PIWIL4: variants seen among roughly 807,000 people sequenced by gnomAD.
The protein encoded by PIWIL4 is piwi-like protein 4.
A neutral mutation model predicts 100.9 loss-of-function variants in PIWIL4; 50 were observed. The observed-to-expected ratio is 0.50, with a 90% CI of 0.39 to 0.63. PIWIL4 has a LOEUF of 0.63. PIWIL4 is among the 20% of genes least tolerant of loss of function. The probability of loss-of-function intolerance (pLI) is 0.00; values close to 1 mark genes in which losing one functional copy is unlikely to be tolerated. For missense variants in PIWIL4, 887 were observed against 1,043.3 expected (o/e 0.85, Z 2.06); for synonymous variants, 342 against 367.5 (o/e 0.93, Z 0.79).
At chr11:94,619,921 A>G in intron 18 of PIWIL4, 36 bp downstream of exon 18, 3 of 1,614,106 alleles carry the variant, frequency 1.9e-6, no homozygotes, top group Non-Finnish European at 2.5e-6. Context: ...TTAACAAAAC[A>G]TTCATTGCGT....
At chr11:94,587,840 A>G (rs191832435) in intron 7 of PIWIL4, among the ~76,000 whole-genome samples, 27 of 152,358 alleles carry the variant, frequency 1.8e-4, no homozygotes, top group African/African-American at 6.5e-4. Flanking sequence ...AGGTTTATGT[A>G]TATAAAATTT....
At chr11:94,577,617 G>A in intron 4 of PIWIL4, 125 bp downstream of exon 4, 5 of 828,710 alleles carry the variant, frequency 6.0e-6, no homozygotes, top group Admixed American at 3.3e-5. Context: ...AGAATTAAAA[G>A]GTAAGAATTT....
At chr11:94,567,647 C>T (rs1428951710) in intron 1 of PIWIL4, 42 bp downstream of exon 1, 5 of 1,536,436 alleles carry the variant, frequency 3.3e-6, no homozygotes, top group Non-Finnish European at 4.4e-6. Context: ...TTTTCTCCTA[C>T]CTCTGTCTCT....
At chr11:94,619,681 A>AT (rs1948885268) in intron 17 of PIWIL4, 79 bp from the exon 18 acceptor site, 1 of 1,409,506 alleles carries the variant, frequency 7.1e-7, no homozygotes. Context: ...TATTTATTTC[A>AT]TTTTTTAAAT....
intron 2 of PIWIL4, among the ~76,000 whole-genome samples, chr11:94,570,084 T>G (rs1430373894): frequency 6.6e-6 from 1 of 152,164 alleles, no homozygotes; most frequent in African/African-American, 2.4e-5. Context: ...CTTCCCCTCC[T>G]GTGGTAAACA....
intron 8 of PIWIL4, among the ~76,000 whole-genome samples, chr11:94,590,205 A>G (rs1292800119): frequency 6.6e-6 from 1 of 152,208 alleles, no homozygotes; most frequent in Non-Finnish European, 1.5e-5. Flanking sequence ...AAACCTCAGC[A>G]GTCTGGTATC....
intron 3 of PIWIL4, among the ~76,000 whole-genome samples, chr11:94,576,013 C>G (rs1159191760): frequency 6.6e-6 from 1 of 152,144 alleles, no homozygotes; most frequent in Non-Finnish European, 1.5e-5. Flanking sequence ...AGATATATAC[C>G]CCAGGTTGAA....
chr11:94,606,304 T>C (rs770178803), intron 13 of PIWIL4, among the ~76,000 whole-genome samples: 9 of 152,212 alleles, frequency 5.9e-5, no homozygotes, highest in Non-Finnish European at 1.2e-4. Flanking sequence ...TAAGAGCCTT[T>C]TGCTGATAAT....
chr11:94,577,562 T>C (rs1398783248), intron 4 of PIWIL4, 70 bp downstream of exon 4: 4 of 1,168,848 alleles, frequency 3.4e-6, no homozygotes, highest in Admixed American at 2.5e-5. Context: ...CACACACACA[T>C]ATATATGCAT....
intron 8 of PIWIL4, among the ~76,000 whole-genome samples, chr11:94,592,536 C>T (rs11824670): frequency 0.07 from 10,605 of 152,234 alleles, 738 homozygotes; most frequent in African/African-American, 0.17. Flanking sequence ...GCATCAGTTG[C>T]ACCTGCTACT....
At chr11:94,583,040 A>ATG (rs200968891) in intron 4 of PIWIL4, among the ~76,000 whole-genome samples, 1,248 of 118,160 alleles carry the variant, frequency 0.011, 11 homozygotes, top group African/African-American at 0.034. Context: ...GTGTATATAT[A>ATG]TATATGTGTG....
rs956193112 is a variant in PIWIL4 at position 94,616,342 on chromosome 11, C to T, written c.1944-151C>T. 4 of 623,092 alleles carry T rather than the reference C, an allele frequency of 6.4e-6. No homozygotes were observed. The Admixed American group carries it at 1.0e-4, about 16-fold the overall frequency. The allele number at this position is 623,092 out of a possible 1,614,324, so 38.6% of individuals were successfully genotyped here. ...AATAAATTCTTTTTGGGTAAAGGGT[C>T]TCTTTGATATAATTGTGAACACATA... On this transcript the variant is annotated intron_variant, in intron 15 of 19. Transcript: ENST00000299001.
chr11:94,567,485 C>T lies in PIWIL4; in HGVS notation c.-34C>T, dbSNP rs374228173. The T allele has an allele frequency of 3.3e-6, 5 of 1,506,832 alleles. No homozygotes were observed. The highest frequency in any genetic ancestry group is 4.5e-6 in the Non-Finnish European group (5 of 1,120,186). 93.3% of individuals were successfully genotyped at this position (1,506,832 alleles called of 1,614,324 possible). On this transcript the variant is annotated 5_prime_UTR_variant, in exon 1 of 20. Coordinates refer to ENST00000299001, the MANE Select transcript of PIWIL4 (RefSeq NM_152431.3). Reference sequence around the variant, plus strand: ...AAAACATATCCTAACTGAGACTTTGCAGCTCTTGTGGCCACTCTGGGCTCA... The same window carrying T: ...AAAACATATCCTAACTGAGACTTTGTAGCTCTTGTGGCCACTCTGGGCTCA...
chr11:94,589,699 A>G (rs780175021), intron 8 of PIWIL4, among the ~76,000 whole-genome samples: 8 of 151,586 alleles, frequency 5.3e-5, no homozygotes, highest in Non-Finnish European at 1.0e-4. Context: ...TTTCCTGGAT[A>G]CCCCTTCACA....
intron 4 of PIWIL4, among the ~76,000 whole-genome samples, chr11:94,581,726 A>G (rs1948322369): frequency 6.6e-6 from 1 of 152,220 alleles, no homozygotes; most frequent in African/African-American, 2.4e-5. Context: ...AAGTGCTGCT[A>G]TTTATTTGAA....
At chr11:94,586,156 C>CG (rs1948395739) in intron 6 of PIWIL4, among the ~76,000 whole-genome samples, 1 of 151,724 alleles carries the variant, frequency 6.6e-6, no homozygotes, top group South Asian at 2.1e-4. Flanking sequence ...GGAAAAATGA[C>CG]GGAGTTTCCA....
chr11:94,568,608 C>G (rs760790687), intron 1 of PIWIL4, 122 bp from the exon 2 acceptor site: 18 of 690,314 alleles, frequency 2.6e-5, no homozygotes, highest in Non-Finnish European at 4.6e-5. Context: ...AGGGTTTTAC[C>G]TGTTAACATT....
At chr11:94,611,419 T>C (rs567601354) in intron 15 of PIWIL4, among the ~76,000 whole-genome samples, 1 of 152,342 alleles carries the variant, frequency 6.6e-6, no homozygotes, top group African/African-American at 2.4e-5. Flanking sequence ...AAACTACTTT[T>C]GCTGCATCCC....
At chr11:94,574,664 T>C (rs1213147912) in intron 2 of PIWIL4, among the ~76,000 whole-genome samples, 1 of 152,044 alleles carries the variant, frequency 6.6e-6, no homozygotes, top group Non-Finnish European at 1.5e-5. Context: ...GTGTTTTTGG[T>C]AGAGACAGGG....
Sources: allele counts gnomAD v4.1 joint callset (sites outside exome capture counted in the v4.1 genomes callset), GRCh38; gene constraint gnomAD v4.1.1; transcripts MANE v1.5; gene names NCBI Gene and HGNC (gene_info 2026-07-23, HGNC 2026-07-21).